ZNF181: variants seen among roughly 807,000 people sequenced by gnomAD.
ZNF181 encodes the protein zinc finger protein 181 (HHZ181).
A neutral mutation model predicts 11.9 loss-of-function variants in ZNF181; 8 were observed. The observed-to-expected ratio is 0.67, with a 90% CI of 0.39 to 1.21. The LOEUF (loss-of-function observed/expected upper bound fraction) is 1.21, where lower values mean the gene tolerates loss of function less well. ZNF181 is among the 50% of genes most tolerant of loss of function. The probability of loss-of-function intolerance (pLI) is 0.01; values close to 1 mark genes in which losing one functional copy is unlikely to be tolerated. For missense variants in ZNF181, 542 were observed against 670.9 expected, an observed-to-expected ratio of 0.81 and a Z score of 2.12; for synonymous variants, 202 against 221.1, an observed-to-expected ratio of 0.91 and a Z score of 0.77.
In ZNF181 at chr19:34,742,051, T is replaced by C. The variant is rs776227436; in HGVS notation, c.1670T>C (p.Met557Thr). 7.5e-6 allele frequency: 12 copies of C among 1,605,804 alleles called. No individual in the cohort carries two copies. In the African/African-American group the frequency reaches 1.1e-4, roughly 14 times the overall value. ...VVSVEKPLDYMNHYTCEKSYR... is the reference protein window; with the variant it reads ...VVSVEKPLDYTNHYTCEKSYR... ...AGTGTGGAAAAGCCTTTAGACTATA[T>C]GAATCACTATACATGTGAGAAATCT... Residue 557 changes from methionine (M) to threonine (T), a missense_variant, in exon 4 of 4, where the codon ATG (methionine) becomes ACG (threonine). Met to Thr is a moderately conservative substitution (Grantham distance 81). Transcript: ENST00000492450.
chr19:34,735,187 G>C, intron 1 of ZNF181, 141 bp downstream of exon 1: 1 of 871,842 alleles, frequency 1.1e-6, no homozygotes, highest in East Asian at 2.7e-5. Flanking sequence ...GAAGGACGGA[G>C]CCCACAGGAG....
chr19:34,742,958 G>C lies in ZNF181; in HGVS notation c.*861G>C, dbSNP rs1294813246. ...CTTTAGTGGGAGACTAGCAAACCTA[G>C]AGAAAAATGACCTGCTCTTTATACT... On this transcript the variant is annotated 3_prime_UTR_variant, in exon 4 of 4. Transcript: ENST00000492450. 1 of 152,146 alleles carries C rather than the reference G, an allele frequency of 6.6e-6. No homozygotes were observed. Among genetic ancestry groups the C allele is most frequent in the African/African-American group, 2.4e-5 (1 of 41,408 alleles). The allele number at this position is 152,146 out of a possible 1,614,324, so 9.4% of individuals were successfully genotyped here.
intron 1 of ZNF181, among the ~76,000 whole-genome samples, chr19:34,736,783 G>A (rs933346628): frequency 2.0e-5 from 3 of 152,200 alleles, no homozygotes; most frequent in Admixed American, 6.5e-5. Context: ...TGGTAGAAAA[G>A]TAAGAAAGCA....
chr19:34,738,550 G>A (rs1001986163), intron 1 of ZNF181, among the ~76,000 whole-genome samples: 2 of 143,146 alleles, frequency 1.4e-5, no homozygotes, highest in African/African-American at 5.1e-5. Context: ...TTTTGTTTTT[G>A]TTTTTTTTTT....
At position 34,741,323 on chromosome 19, in the gene ZNF181, T is replaced by G. The variant is rs1568485267; in HGVS notation, c.942T>G (p.Thr314=). 2.5e-6 allele frequency: 4 copies of G among 1,613,888 alleles called. No individual in the cohort carries two copies. The East Asian group carries it at 8.9e-5, about 36-fold the overall frequency. ...HVSSLTNHQS[T]HTGEKPYECM... is the part of the protein sequence containing the mutation. ...CATCACTTACTAACCATCAGAGCAC[T>G]CACACTGGAGAGAAACCATATGAAT... Residue 314 remains threonine (T), a synonymous_variant, in exon 4 of 4, where the codon ACT becomes ACG. Transcript: ENST00000492450.
Position 34,734,624 on chromosome 19 carries a change from G to T in ZNF181, c.-414G>T. On this transcript the variant is annotated 5_prime_UTR_variant, in exon 1 of 4. Transcript: ENST00000492450. The stretch of plus-strand genomic sequence containing the variant: ...CGGCGCTCTACAGTTGTGTAACCTT[G>T]AACAAATGGGTTCAGTATCTTGGAA... The T allele has an allele frequency of 5.5e-6, 1 of 181,408 alleles. No individual in the cohort carries two copies. The highest frequency in any genetic ancestry group is 5.5e-5 in the Admixed American group (1 of 18,212). 11.2% of individuals were successfully genotyped at this position (181,408 alleles called of 1,614,324 possible). A position where few individuals can be genotyped will look rare whatever the true frequency, so the allele number is the denominator to read the frequency against.
rs2068866323 is a variant in ZNF181, at chr19:34,734,980, A to C, written c.-58A>C. 21 of 1,557,468 alleles carry C rather than the reference A, an allele frequency of 1.3e-5. No homozygotes were observed. In the South Asian group the frequency reaches 2.0e-4, roughly 15 times the overall value. On this transcript the variant is annotated 5_prime_UTR_variant, in exon 1 of 4. Coordinates refer to ENST00000492450, the MANE Select transcript of ZNF181 (RefSeq NM_001029997.4). The stretch of plus-strand genomic sequence containing the variant: ...CTTCTGTGCCCTCAGGACACTGCCC[A>C]TCTCTAAGATAAGAGCCTGGAAAGA...
intron 1 of ZNF181, among the ~76,000 whole-genome samples, chr19:34,738,550 GTT>G (rs896365038): frequency 7.0e-6 from 1 of 143,144 alleles, no homozygotes; most frequent in Non-Finnish European, 1.5e-5. Context: ...TTTTGTTTTT[GTT>G]TTTTTTTTTG....
Position 34,741,524 on chromosome 19 carries a change from A to G in ZNF181, c.1143A>G (p.Glu381=), listed in dbSNP as rs573076696. Residue 381 remains glutamate, a synonymous_variant, in exon 4 of 4, where the codon GAA becomes GAG. Transcript: ENST00000492450. ...GAGAGAAGCCTTATGAATGTAGAGA[A>G]TGTGGGAAAGCTTTCTGCTGTAGCT... is the stretch of plus-strand genomic sequence containing the variant. The part of the protein sequence containing the change: ...HTGEKPYECR[E]CGKAFCCSSH... 1.1e-4 allele frequency: 183 copies of G among 1,613,918 alleles called. No homozygotes were observed. Among genetic ancestry groups the G allele is most frequent in the Non-Finnish European group, 8.5e-7 (1 of 1,179,924 alleles).
chr19:34,741,091 A>G lies in ZNF181; in HGVS notation c.710A>G (p.Tyr237Cys), dbSNP rs748397805. ...LPQTCNREKI[Y>C]TCSECGKAFG... is the part of the protein sequence containing the mutation. ...CAGACTTGTAATAGAGAGAAAATCT[A>G]TACATGCAGTGAATGTGGGAAAGCC... The change falls in exon 4 of 4, where the codon TAT becomes TGT. Residue 237 changes from tyrosine to cysteine, a missense_variant. Physicochemically the swap from Tyr to Cys is radical, Grantham distance 194 (BLOSUM62 -2). Transcript: ENST00000492450. 2.5e-6 allele frequency: 4 copies of G among 1,614,072 alleles called. No individual in the cohort carries two copies. In the African/African-American group the frequency reaches 4.0e-5, roughly 16 times the overall value.
At chr19:34,738,841 C>T (rs533350347) in intron 1 of ZNF181, among the ~76,000 whole-genome samples, 119 of 152,288 alleles carry the variant, frequency 7.8e-4, no homozygotes, top group African/African-American at 2.7e-3. Flanking sequence ...ATGTCAAATG[C>T]TGATTTTTAA....
At chr19:34,740,565 G>GA in intron 3 of ZNF181, 46 bp from the exon 4 acceptor site, 2 of 1,352,110 alleles carry the variant, frequency 1.5e-6, no homozygotes, top group Non-Finnish European at 2.0e-6. Flanking sequence ...TTTTCAAATA[G>GA]TTAAAAAAAA....
Position 34,742,005 on chromosome 19 carries a change from G to A in ZNF181, c.1624G>A (p.Glu542Lys). The A allele has an allele frequency of 1.2e-6, 2 of 1,613,690 alleles. No homozygotes were observed. The highest frequency in any genetic ancestry group is 1.7e-6 in the Non-Finnish European group (2 of 1,179,810). ...TGCCCATCAAAGAGTACATAATGGA[G>A]AGAAACCCAATAGTGTGGTAAGTGT... ...LTAHQRVHNG[E>K]KPNSVVSVEK... Residue 542 changes from glutamate to lysine, a missense_variant, in exon 4 of 4, where the codon GAG becomes AAG. Physicochemically the swap from Glu to Lys is moderately conservative, Grantham distance 56. Transcript: ENST00000492450.
rs756190474 is a variant in ZNF181 at position 34,740,981 on chromosome 19, T to C, written c.600T>C (p.Asn200=). The change falls in exon 4 of 4, where the codon AAT becomes AAC. Residue 200 remains asparagine, a synonymous_variant. Coordinates refer to ENST00000492450, the MANE Select transcript of ZNF181 (RefSeq NM_001029997.4). ...KNLPKKSVIK[N]EKVNGGKKLL... ...TACCAAAAAAGTCAGTTATAAAAAA[T>C]GAGAAAGTCAATGGTGGAAAGAAAC... 6.2e-7 allele frequency: 1 copy of C among 1,614,028 alleles called. No homozygotes were observed. The highest frequency in any genetic ancestry group is 8.5e-7 in the Non-Finnish European group (1 of 1,179,970).
chr19:34,742,197 A>G lies in ZNF181; in HGVS notation c.*100A>G. Reference sequence around the variant, plus strand: ...TTATGAATGTGGTGAATATAGGAAGACCTTTTAGCAAAGATGCAGGCCAGT... The same window carrying G: ...TTATGAATGTGGTGAATATAGGAAGGCCTTTTAGCAAAGATGCAGGCCAGT... On this transcript the variant is annotated 3_prime_UTR_variant, in exon 4 of 4. Transcript: ENST00000492450. 1.6e-6 allele frequency: 2 copies of G among 1,253,170 alleles called. No homozygotes were observed. The highest frequency in any genetic ancestry group is 2.2e-6 in the Non-Finnish European group (2 of 910,946). The allele number at this position is 1,253,170 out of a possible 1,614,324, so 77.6% of individuals were successfully genotyped here. A position where few individuals can be genotyped will look rare whatever the true frequency, so the allele number is the denominator to read the frequency against.
At position 34,740,903 on chromosome 19, in the gene ZNF181, A is replaced by G. The variant is rs2068960324; in HGVS notation, c.522A>G (p.Gln174=). ...CAAAGTCTACTCTTTCTGAACCACAAAAAATTTCTGCTGAAGGGAATTCAC... is the reference window on the plus strand; with the variant it reads ...CAAAGTCTACTCTTTCTGAACCACAGAAAATTTCTGCTGAAGGGAATTCAC... ...FHSKSTLSEP[Q]KISAEGNSHK... The change falls in exon 4 of 4, where the codon CAA becomes CAG. Residue 174 remains glutamine (Q), a synonymous_variant. Coordinates refer to ENST00000492450, the MANE Select transcript of ZNF181 (RefSeq NM_001029997.4). The G allele has an allele frequency of 5.6e-6, 9 of 1,614,064 alleles. No individual in the cohort carries two copies. Among genetic ancestry groups the G allele is most frequent in the African/African-American group, 1.3e-5 (1 of 75,056 alleles).
rs777671053 is a variant in ZNF181, at chr19:34,741,803, A to C, written c.1422A>C (p.Ser474=). Residue 474 remains serine, a synonymous_variant, in exon 4 of 4, where the codon TCA becomes TCC. Transcript: ENST00000492450. ...SICGKAFSHR[S]SLLQHHRIHT... is the part of the protein sequence containing the mutation. Reference sequence around the variant, plus strand: ...GTGGGAAAGCCTTTAGTCATAGGTCATCCCTGCTTCAACATCACAGAATTC... The same window carrying C: ...GTGGGAAAGCCTTTAGTCATAGGTCCTCCCTGCTTCAACATCACAGAATTC... 1 of 1,614,016 alleles carries C rather than the reference A, an allele frequency of 6.2e-7. No individual in the cohort carries two copies. Among genetic ancestry groups the C allele is most frequent in the South Asian group, 1.1e-5 (1 of 91,078 alleles).
Position 34,744,757 on chromosome 19 carries a change from G to A in ZNF181, c.*2660G>A, listed in dbSNP as rs1208153069. 1 of 152,114 alleles carries A rather than the reference G, an allele frequency of 6.6e-6. No homozygotes were observed. Among genetic ancestry groups the A allele is most frequent in the Admixed American group, 6.5e-5 (1 of 15,274 alleles). 9.4% of individuals were successfully genotyped at this position (152,114 alleles called of 1,614,324 possible). A position where few individuals can be genotyped will look rare whatever the true frequency, so the allele number is the denominator to read the frequency against. On this transcript the variant is annotated 3_prime_UTR_variant, in exon 4 of 4. Coordinates refer to ENST00000492450, the MANE Select transcript of ZNF181 (RefSeq NM_001029997.4). Reference sequence around the variant, plus strand: ...CACATATATACTTATGGGATAATGAGAGTAGCTTTCTTTTCTCTCATTCTG... The same window carrying A: ...CACATATATACTTATGGGATAATGAAAGTAGCTTTCTTTTCTCTCATTCTG...
Position 34,743,826 on chromosome 19 carries a change from T to C in ZNF181, c.*1729T>C, listed in dbSNP as rs2069012373. On this transcript the variant is annotated 3_prime_UTR_variant, in exon 4 of 4. Transcript: ENST00000492450. ...GTCTTGAAATAGTTAAGAGAGATTT[T>C]GTTCTCTGCACTGAACCTTGACAGA... The C allele has an allele frequency of 6.6e-6, 1 of 152,246 alleles. No individual in the cohort carries two copies. The highest frequency in any genetic ancestry group is 6.5e-5 in the Admixed American group (1 of 15,288). The allele number at this position is 152,246 out of a possible 1,614,324, so 9.4% of individuals were successfully genotyped here.
Sources: allele counts gnomAD v4.1 joint callset (sites outside exome capture counted in the v4.1 genomes callset), GRCh38; gene constraint gnomAD v4.1.1; transcripts MANE v1.5; gene names NCBI Gene and HGNC (gene_info 2026-07-23, HGNC 2026-07-21).